KIAA0930: variants seen among roughly 807,000 people sequenced by gnomAD.
KIAA0930 encodes the protein KIAA0930.
A neutral mutation model predicts 43.9 loss-of-function variants in KIAA0930; 24 were observed. The ratio of observed to expected loss-of-function variants is 0.55; its 90% CI spans 0.40 to 0.77. The LOEUF is 0.77. Among genes scored for constraint, KIAA0930 ranks in the 30% least tolerant of loss-of-function variants. The pLI, the probability that KIAA0930 is intolerant of heterozygous loss-of-function variation, is 0.00. For synonymous variants in KIAA0930, 259 were observed against 216.4 expected (o/e 1.20, Z -1.73); for missense variants, 461 against 574.2 (o/e 0.80, Z 2.02).
At chr22:45,218,921 GA>G (rs2083750412) in intron 1 of KIAA0930, among the ~76,000 whole-genome samples, 1 of 152,144 alleles carries the variant, frequency 6.6e-6, no homozygotes. Flanking sequence ...AAGAACCCGT[GA>G]AAGAACTTCA....
At chr22:45,213,454 G>A (rs1043089487) in intron 1 of KIAA0930, 13 of 1,254,684 alleles carry the variant, frequency 1.0e-5, no homozygotes, top group Middle Eastern at 2.4e-4. Flanking sequence ...GAGAGCCCAC[G>A]GGACTGGCAA....
chr22:45,205,770 G>GCGGGGC, intron 3 of KIAA0930, 23 bp downstream of exon 3: 1 of 1,523,780 alleles, frequency 6.6e-7, no homozygotes, highest in Non-Finnish European at 9.1e-7. Context: ...CCAATCCGCA[G>GCGGGGC]CCCCACCCAT....
intron 1 of KIAA0930, among the ~76,000 whole-genome samples, chr22:45,232,956 C>A (rs2083863500): frequency 6.6e-6 from 1 of 152,128 alleles, no homozygotes; most frequent in African/African-American, 2.4e-5. Context: ...CCCACCCACC[C>A]CCGCCAGGTG....
At position 45,203,106 on chromosome 22, in the gene KIAA0930, T is replaced by G; in HGVS notation, c.736A>C (p.Lys246Gln). The change falls in exon 7 of 10, where the codon AAG becomes CAG. Residue 246 changes from lysine to glutamine, a missense_variant. Lys to Gln is a moderately conservative substitution (Grantham distance 53). Transcript: ENST00000336156. The part of the protein sequence containing the change: ...KYSNMEFVRM[K>Q]GPQGKGHAEM... Reference sequence around the variant, plus strand: ...GCGTGGCCCTTGCCCTGGGGGCCCTTCATGCGCACAAACTCCATGTTGCTG... The same window carrying G: ...GCGTGGCCCTTGCCCTGGGGGCCCTGCATGCGCACAAACTCCATGTTGCTG... The G allele has an allele frequency of 3.7e-6, 6 of 1,613,760 alleles. No homozygotes were observed. The highest frequency in any genetic ancestry group is 5.1e-6 in the Non-Finnish European group (6 of 1,179,828).
At chr22:45,235,663 TAAC>T (rs1230091004) in intron 1 of KIAA0930, among the ~76,000 whole-genome samples, 1 of 152,088 alleles carries the variant, frequency 6.6e-6, no homozygotes, top group African/African-American at 2.4e-5. Context: ...TCCTGGATAA[TAAC>T]AGCAGCCTGG....
chr22:45,224,529 G>A (rs1469381998), intron 1 of KIAA0930, among the ~76,000 whole-genome samples: 1 of 152,176 alleles, frequency 6.6e-6, no homozygotes, highest in Non-Finnish European at 1.5e-5. Flanking sequence ...GTTGGAAGCT[G>A]GTGTTTGAAC....
chr22:45,227,430 GA>G (rs1393918632), intron 1 of KIAA0930, among the ~76,000 whole-genome samples: 1 of 151,922 alleles, frequency 6.6e-6, no homozygotes, highest in African/African-American at 2.4e-5. Context: ...GCCCACCCAG[GA>G]AAAAAAGGGC....
chr22:45,204,580 C>T (rs1299710541), intron 5 of KIAA0930, among the ~76,000 whole-genome samples: 2 of 152,154 alleles, frequency 1.3e-5, no homozygotes, highest in African/African-American at 4.8e-5. Flanking sequence ...CTGCAGACGC[C>T]CACGCCTTCC....
intron 1 of KIAA0930, among the ~76,000 whole-genome samples, chr22:45,223,422 G>A (rs1009883682): frequency 1.3e-5 from 2 of 152,202 alleles, no homozygotes; most frequent in African/African-American, 4.8e-5. Context: ...GGCAGTTCTG[G>A]TCATGTGACA....
intron 6 of KIAA0930, among the ~76,000 whole-genome samples, 191 bp downstream of exon 6, chr22:45,203,654 G>A (rs1326467609): frequency 1.3e-5 from 2 of 152,188 alleles, no homozygotes; most frequent in East Asian, 3.9e-4. Flanking sequence ...CATGGGCTGA[G>A]GCCGACCATG....
intron 1 of KIAA0930, among the ~76,000 whole-genome samples, chr22:45,217,140 T>C (rs953248878): frequency 3.3e-5 from 5 of 152,200 alleles, no homozygotes; most frequent in East Asian, 3.9e-4. Flanking sequence ...GCAGGTAGAA[T>C]ACTTGAGGTC....
rs188505705 is a variant in KIAA0930, at chr22:45,212,182, C to T, written c.65-75G>A. 85 of 1,613,228 alleles carry T rather than the reference C, an allele frequency of 5.3e-5. 1 individual carries two copies. Among genetic ancestry groups the T allele is most frequent in the East Asian group, 4.0e-4 (18 of 44,876 alleles). ...TTGCAGCATGGCCTTGGCCAAGCTG[C>T]GCCCATACCCCCACATTTCTGGCCA... On this transcript the variant is annotated intron_variant, in intron 1 of 9. Coordinates refer to ENST00000336156, the MANE Select transcript of KIAA0930 (RefSeq NM_001009880.2).
intron 1 of KIAA0930, among the ~76,000 whole-genome samples, chr22:45,218,324 A>AT (rs1307616407): frequency 1.7e-5 from 2 of 117,144 alleles, no homozygotes; most frequent in Admixed American, 9.0e-5. Flanking sequence ...CACCCAGCTA[A>AT]TTTTTTTGAT....
chr22:45,201,688 CA>C (rs1300701294), intron 7 of KIAA0930, among the ~76,000 whole-genome samples: 5 of 152,138 alleles, frequency 3.3e-5, no homozygotes, highest in African/African-American at 1.2e-4. Flanking sequence ...CCCATCTTTG[CA>C]AAAAATAGCA....
Position 45,212,312 on chromosome 22 carries a change from T to A in KIAA0930, c.65-205A>T, listed in dbSNP as rs139559211. 5.0e-6 allele frequency: 8 copies of A among 1,612,610 alleles called. No individual in the cohort carries two copies. In the African/African-American group the frequency reaches 9.3e-5, roughly 19 times the overall value. ...GGAGGACACCTCCCAGGAGGCCCAG[T>A]TCCTCCACTCAGCAGCAGCCTGAGA... On this transcript the variant is annotated intron_variant, in intron 1 of 9. Transcript: ENST00000336156.
intron 1 of KIAA0930, among the ~76,000 whole-genome samples, chr22:45,215,204 C>T (rs1426828087): frequency 2.0e-5 from 3 of 152,040 alleles, no homozygotes; most frequent in Non-Finnish European, 4.4e-5. Flanking sequence ...GGAGACAGAG[C>T]GAGACCCTGT....
chr22:45,238,337 C>T lies in KIAA0930; in HGVS notation c.64+2303G>A, dbSNP rs556539089. 4.6e-5 allele frequency among the ~76,000 whole-genome samples: 7 copies of T among 152,336 alleles called. No individual in the cohort carries two copies. In the South Asian group the frequency reaches 1.5e-3, roughly 32 times the overall value. ...ACTTGTTCACTAAATGTTTACTGGGCACCTGCTCCGTATGTGCCCCATGCT... is the reference window on the plus strand; with the variant it reads ...ACTTGTTCACTAAATGTTTACTGGGTACCTGCTCCGTATGTGCCCCATGCT... On this transcript the variant is annotated intron_variant, in intron 1 of 9. Coordinates refer to ENST00000336156, the MANE Select transcript of KIAA0930 (RefSeq NM_001009880.2).
At chr22:45,224,709 T>C (rs2083788069) in intron 1 of KIAA0930, among the ~76,000 whole-genome samples, 1 of 152,152 alleles carries the variant, frequency 6.6e-6, no homozygotes, top group Admixed American at 6.5e-5. Context: ...GCCAGTCAGC[T>C]GGAGACTCAA....
At chr22:45,201,846 C>G (rs765856934) in intron 7 of KIAA0930, among the ~76,000 whole-genome samples, 1 of 152,188 alleles carries the variant, frequency 6.6e-6, no homozygotes, top group Non-Finnish European at 1.5e-5. Context: ...GTATAACAAA[C>G]GCACACTCCC....
Sources: gnomAD v4.1 joint callset for allele counts (sites outside exome capture counted in the v4.1 genomes callset) on GRCh38, gnomAD v4.1.1 for gene constraint, MANE v1.5 for transcripts, NCBI Gene and HGNC (gene_info 2026-07-23, HGNC 2026-07-21) for gene names.